CATSPERE: variants seen among roughly 807,000 people sequenced by gnomAD.
CATSPERE encodes the protein catsper channel auxiliary subunit epsilon, also known as cation channel sperm-associated auxiliary subunit epsilon.
In CATSPERE, 93 loss-of-function variants were observed where a neutral mutation model predicts 114.1. The observed-to-expected ratio is 0.81, with a 90% CI of 0.69 to 0.97. The LOEUF is 0.97. Among genes scored for constraint, CATSPERE ranks in the 50% least tolerant of loss-of-function variants. CATSPERE has a pLI of 0.00. For missense variants in CATSPERE, 1,058 were observed against 1,131.6 expected (o/e 0.93, Z 0.93); for synonymous variants, 341 against 384.1 (o/e 0.89, Z 1.31).
intron 5 of CATSPERE, 27 bp from the exon 6 acceptor site, chr1:244,490,420 A>G: frequency 6.6e-7 from 1 of 1,514,034 alleles, no homozygotes; most frequent in Non-Finnish European, 9.1e-7. Context: ...CTGTTTACTA[A>G]AATATGTTTC....
At chr1:244,547,997 C>G (rs552157562) in intron 8 of CATSPERE, among the ~76,000 whole-genome samples, 9 of 152,226 alleles carry the variant, frequency 5.9e-5, no homozygotes, top group African/African-American at 2.2e-4. Flanking sequence ...GGGCTGCAGC[C>G]AATGGTTTGG....
chr1:244,525,623 C>A (rs1558429320), intron 8 of CATSPERE, among the ~76,000 whole-genome samples: 1 of 152,014 alleles, frequency 6.6e-6, no homozygotes, highest in Admixed American at 6.6e-5. Context: ...CATTATCAGG[C>A]AAAGTTAAAG....
At position 244,640,178 on chromosome 1, in the gene CATSPERE, A is replaced by C; in HGVS notation, c.*97A>C. On this transcript the variant is annotated 3_prime_UTR_variant, in exon 22 of 22. Coordinates refer to ENST00000366534, the MANE Select transcript of CATSPERE (RefSeq NM_001130957.2). ...GTGTGTGTTTGACCAAGAAATACTA[A>C]ATATAAGCTCGTAGTAGGCATCACC... 1 of 961,014 alleles carries C rather than the reference A, an allele frequency of 1.0e-6. No homozygotes were observed. Among genetic ancestry groups the C allele is most frequent in the Admixed American group, 3.5e-5 (1 of 28,708 alleles). The allele number at this position is 961,014 out of a possible 1,614,324, so 59.5% of individuals were successfully genotyped here. A position where few individuals can be genotyped will look rare whatever the true frequency, so the allele number is the denominator to read the frequency against.
intron 12 of CATSPERE, among the ~76,000 whole-genome samples, 199 bp downstream of exon 12, chr1:244,582,053 C>T (rs534238594): frequency 6.6e-6 from 1 of 152,236 alleles, no homozygotes; most frequent in East Asian, 1.9e-4. Context: ...GAATAAGAAA[C>T]ATGACCTATC....
chr1:244,581,927 T>G, intron 12 of CATSPERE, 73 bp downstream of exon 12: 1 of 621,560 alleles, frequency 1.6e-6, no homozygotes, highest in Non-Finnish European at 2.7e-6. Context: ...TGGGTGTTCT[T>G]TTATTTAAAT....
At chr1:244,455,889 T>A (rs1020964588) in intron 1 of CATSPERE, among the ~76,000 whole-genome samples, 1 of 152,194 alleles carries the variant, frequency 6.6e-6, no homozygotes, top group African/African-American at 2.4e-5. Flanking sequence ...TTTTGCATTG[T>A]GTTATCTGAC....
intron 2 of CATSPERE, among the ~76,000 whole-genome samples, chr1:244,476,471 C>G (rs1209987388): frequency 6.6e-6 from 1 of 152,048 alleles, no homozygotes; most frequent in Non-Finnish European, 1.5e-5. Flanking sequence ...GCAGTTCTAT[C>G]AAATTTTGCT....
chr1:244,548,983 A>G (rs571813029), intron 8 of CATSPERE, among the ~76,000 whole-genome samples: 110 of 152,202 alleles, frequency 7.2e-4, no homozygotes, highest in Admixed American at 7.0e-3. Flanking sequence ...TGGGCTCCTC[A>G]TGGCTCTGAG....
chr1:244,492,512 G>A (rs1325651912), intron 6 of CATSPERE, among the ~76,000 whole-genome samples: 1 of 148,438 alleles, frequency 6.7e-6, no homozygotes, highest in Non-Finnish European at 1.5e-5. Flanking sequence ...AAAACTGGAA[G>A]CATTCCCTTT....
intron 7 of CATSPERE, among the ~76,000 whole-genome samples, chr1:244,505,561 T>C (rs1270699105): frequency 6.6e-6 from 1 of 152,218 alleles, no homozygotes; most frequent in Non-Finnish European, 1.5e-5. Context: ...TCTGGACTCC[T>C]TGCTTGCTTA....
rs1022716001 is a variant in CATSPERE at position 244,504,285 on chromosome 1, A to G, written c.429+5206A>G. 6.6e-6 allele frequency among the ~76,000 whole-genome samples: 1 copy of G among 152,180 alleles called. No individual in the cohort carries two copies. The highest frequency in any genetic ancestry group is 1.5e-5 in the Non-Finnish European group (1 of 68,024). ...GTTTCTATGTCCTCACCTTGCATTCATTCACTTTTCAAAAACACTTTTTCT... is the reference window on the plus strand; with the variant it reads ...GTTTCTATGTCCTCACCTTGCATTCGTTCACTTTTCAAAAACACTTTTTCT... On this transcript the variant is annotated intron_variant, in intron 7 of 21. Transcript: ENST00000366534. The surrounding 1 kb of genome is among the most constrained non-coding windows in gnomAD (Gnocchi z 4.1).
Position 244,477,942 on chromosome 1 carries a change from T to C in CATSPERE, c.225T>C (p.Gly75=). 6.2e-7 allele frequency: 1 copy of C among 1,610,116 alleles called. No homozygotes were observed. The highest frequency in any genetic ancestry group is 8.5e-7 in the Non-Finnish European group (1 of 1,176,926). The change falls in exon 4 of 22, where the codon GGT becomes GGC. Residue 75 remains glycine, a synonymous_variant. Coordinates refer to ENST00000366534, the MANE Select transcript of CATSPERE (RefSeq NM_001130957.2). ...CAGAATTGCGTTGTTCCTCACCTGG[T>C]GTTCACGCTATAAAACCAATTGTTA... ...PTTELRCSSP[G]VHAIKPIVTG...
intron 8 of CATSPERE, among the ~76,000 whole-genome samples, chr1:244,528,785 C>CACACA (rs1553342508): frequency 7.7e-6 from 1 of 130,536 alleles, no homozygotes; most frequent in Non-Finnish European, 1.6e-5. Context: ...CAATCCCCCA[C>CACACA]CACACACACA....
At position 244,568,884 on chromosome 1, in the gene CATSPERE, G is replaced by A. The variant is rs878864408; in HGVS notation, c.1508-3446G>A. ...CTCACTGGTGTTCCTGGCACCACTG[G>A]GGTATGAAAAAAAACAAAAACAAAA... is the stretch of plus-strand genomic sequence containing the variant. On this transcript the variant is annotated intron_variant, in intron 10 of 21. Transcript: ENST00000366534. The surrounding 1 kb of genome is among the most constrained non-coding windows in gnomAD (Gnocchi z 4.4). Among the ~76,000 whole-genome samples, 4 of 152,042 alleles carry A rather than the reference G, an allele frequency of 2.6e-5. No individual in the cohort carries two copies. The highest frequency in any genetic ancestry group is 9.7e-5 in the African/African-American group (4 of 41,392).
chr1:244,451,716 G>A (rs1445024807), upstream of CATSPERE: 2 of 1,611,412 alleles, frequency 1.2e-6, no homozygotes, highest in African/African-American at 1.3e-5. The surrounding 1 kb of genome is among the most constrained non-coding windows in gnomAD (Gnocchi z 6.6). Flanking sequence ...ACTGCGCACC[G>A]AGCACCACCG....
upstream of CATSPERE, among the ~76,000 whole-genome samples, chr1:244,461,102 C>T (rs943380989): frequency 1.3e-5 from 2 of 151,580 alleles, no homozygotes; most frequent in African/African-American, 4.9e-5. Flanking sequence ...CTTCCTCCTT[C>T]CTTCCTTCTT....
In CATSPERE at chr1:244,570,688, A is replaced by G. The variant is rs577939071; in HGVS notation, c.1508-1642A>G. The stretch of plus-strand genomic sequence containing the variant: ...TGTAGTCAGCAGTGTGATCAGCAAA[A>G]GAGAAGGTGCTATGAAAGCAAATAT... On this transcript the variant is annotated intron_variant, in intron 10 of 21. Transcript: ENST00000366534. Among the ~76,000 whole-genome samples, 16 of 152,330 alleles carry G rather than the reference A, an allele frequency of 1.1e-4. 1 individual carries two copies. The South Asian group carries it at 3.1e-3, about 30-fold the overall frequency.
rs765187947 is a variant in CATSPERE, at chr1:244,469,655, G to A, written c.114+5699G>A. ...CAAGGAATCTAACAAAAAACTATTAGAACTAATAAATTATCTTAACAATTT... is the reference window on the plus strand; with the variant it reads ...CAAGGAATCTAACAAAAAACTATTAAAACTAATAAATTATCTTAACAATTT... On this transcript the variant is annotated intron_variant, in intron 2 of 21. Transcript: ENST00000366534. 1.8e-3 allele frequency among the ~76,000 whole-genome samples: 267 copies of A among 152,064 alleles called. 5 individuals carry two copies. The highest frequency in any genetic ancestry group is 1.8e-3 in the Admixed American group (28 of 15,264).
At chr1:244,580,982 CAA>C (rs1666089217) in intron 11 of CATSPERE, among the ~76,000 whole-genome samples, 1 of 151,936 alleles carries the variant, frequency 6.6e-6, no homozygotes, top group Non-Finnish European at 1.5e-5. Flanking sequence ...GCCTGGGCGA[CAA>C]GAGTGAAACT....
Sources: allele counts gnomAD v4.1 joint callset (sites outside exome capture counted in the v4.1 genomes callset), GRCh38; gene constraint gnomAD v4.1.1; non-coding constraint Gnocchi (gnomAD v3.1); transcripts MANE v1.5; gene names NCBI Gene and HGNC (gene_info 2026-07-23, HGNC 2026-07-21).